Variants in CNGA1 observed in about 807,000 individuals in gnomAD.
CNGA1 encodes cyclic nucleotide gated channel subunit alpha 1.
In CNGA1, 53 loss-of-function variants were observed where a neutral mutation model predicts 69.7. That is an observed-to-expected ratio of 0.76 (90% CI 0.61 to 0.96). The LOEUF is 0.96. Ranked by LOEUF, CNGA1 falls within the 40% of genes least tolerant of loss-of-function variation. The pLI is 0.00. For synonymous variants in CNGA1, 249 were observed against 283.5 expected (o/e 0.88, Z 1.22); for missense variants, 739 against 811.2 (o/e 0.91, Z 1.08).
At chr4:47,962,390 G>C (rs1740495983) in intron 3 of CNGA1, among the ~76,000 whole-genome samples, 1 of 149,492 alleles carries the variant, frequency 6.7e-6, no homozygotes, top group African/African-American at 2.5e-5. Context: ...TATGTTGGAA[G>C]TACCAGGTTG....
At chr4:47,998,314 G>A (rs1315142174) in intron 2 of CNGA1, among the ~76,000 whole-genome samples, 3 of 152,204 alleles carry the variant, frequency 2.0e-5, no homozygotes, top group African/African-American at 4.8e-5. Flanking sequence ...TCCAGTCTTT[G>A]TGGAATGCTA....
chr4:47,992,808 T>G (rs1742329349), intron 2 of CNGA1, among the ~76,000 whole-genome samples: 1 of 152,094 alleles, frequency 6.6e-6, no homozygotes, highest in Non-Finnish European at 1.5e-5. Flanking sequence ...CCCCATTCAG[T>G]ATTATGTTGG....
At chr4:47,955,191 T>C (rs1740005562) in intron 3 of CNGA1, among the ~76,000 whole-genome samples, 1 of 88,004 alleles carries the variant, frequency 1.1e-5, no homozygotes, top group East Asian at 2.8e-4. Flanking sequence ...TTTTTTTTTT[T>C]TTTTTTTTTG....
rs1256044975 is a variant in CNGA1 at position 47,937,642 on chromosome 4, G to T, written c.840C>A (p.Phe280Leu). The change falls in exon 11 of 11, where the codon TTC becomes TTA. Residue 280 changes from phenylalanine (F) to leucine (L), a missense_variant. By Grantham distance (22) the Phe-to-Leu change is conservative (BLOSUM62 0). Coordinates refer to ENST00000514170, the MANE Select transcript of CNGA1 (RefSeq NM_001379270.1). Reference sequence around the variant, plus strand: ...TTGTCCTTGTTTCTGTTCTCTGGAAGAACTCAAACATACGAGAGAACCGTA... The same window carrying T: ...TTGTCCTTGTTTCTGTTCTCTGGAATAACTCAAACATACGAGAGAACCGTA... ...RLLRFSRMFE[F>L]FQRTETRTNY... 2 of 1,614,014 alleles carry T rather than the reference G, an allele frequency of 1.2e-6. No homozygotes were observed. Among genetic ancestry groups the T allele is most frequent in the Non-Finnish European group, 1.7e-6 (2 of 1,180,014 alleles).
chr4:47,980,243 AG>A (rs536138765), intron 3 of CNGA1, among the ~76,000 whole-genome samples: 337 of 152,296 alleles, frequency 2.2e-3, no homozygotes, highest in African/African-American at 7.7e-3. Flanking sequence ...AACTGATTAA[AG>A]GATATATAAA....
At chr4:47,988,146 T>G (rs1742068721) in intron 2 of CNGA1, among the ~76,000 whole-genome samples, 1 of 152,090 alleles carries the variant, frequency 6.6e-6, no homozygotes, top group Non-Finnish European at 1.5e-5. Context: ...GATTGATTGT[T>G]TGTGGGGTGT....
rs1741359768 is a variant in CNGA1, at chr4:47,976,188, TAC to T, written c.-15+5203_-15+5204del. On this transcript the variant is annotated intron_variant, in intron 3 of 10. Transcript: ENST00000514170. ...ATATATATACACATACATATATATA[TAC>T]ATATATATGTATATATATATATACA... is the stretch of plus-strand genomic sequence containing the variant. Among the ~76,000 whole-genome samples, 3 of 44,042 alleles carry T rather than the reference TAC, an allele frequency of 6.8e-5. No homozygotes were observed. In the South Asian group the frequency reaches 2.0e-3, roughly 29 times the overall value. 28.9% of individuals were successfully genotyped at this position (44,042 alleles called of 152,430 possible).
At chr4:47,998,142 G>A (rs370140157) in intron 2 of CNGA1, among the ~76,000 whole-genome samples, 53 of 152,290 alleles carry the variant, frequency 3.5e-4, no homozygotes, top group African/African-American at 1.2e-3. Flanking sequence ...TTTTTAATCT[G>A]TGACATGAGA....
intron 3 of CNGA1, among the ~76,000 whole-genome samples, chr4:47,980,148 A>T (rs1407139408): frequency 3.3e-5 from 5 of 152,166 alleles, no homozygotes; most frequent in Non-Finnish European, 2.9e-5. Context: ...ACCCTCTTTT[A>T]TTTGCTGAGT....
intron 3 of CNGA1, among the ~76,000 whole-genome samples, chr4:47,961,897 A>G (rs542758505): frequency 3.2e-4 from 49 of 152,326 alleles, no homozygotes; most frequent in Non-Finnish European, 6.2e-4. Flanking sequence ...TGTTTGGAAC[A>G]ACTTGACTAT....
intron 3 of CNGA1, among the ~76,000 whole-genome samples, chr4:47,968,284 T>C (rs1740832898): frequency 6.6e-6 from 1 of 152,238 alleles, no homozygotes; most frequent in African/African-American, 2.4e-5. Flanking sequence ...AAGAAAAATA[T>C]GATTGTTGAA....
intron 2 of CNGA1, 146 bp from the exon 3 acceptor site, chr4:47,981,646 C>A (rs1050819318): frequency 6.6e-6 from 1 of 152,070 alleles, no homozygotes; most frequent in African/African-American, 2.4e-5. Context: ...ATTGGATTTG[C>A]GGATTTACAC....
chr4:47,981,978 T>C (rs1202686340), intron 2 of CNGA1, among the ~76,000 whole-genome samples: 1 of 152,192 alleles, frequency 6.6e-6, no homozygotes, highest in South Asian at 2.1e-4. Flanking sequence ...GTCTATTTTA[T>C]GGAGGAATTG....
At chr4:47,947,331 C>A (rs958490879) in intron 6 of CNGA1, among the ~76,000 whole-genome samples, 1 of 152,044 alleles carries the variant, frequency 6.6e-6, no homozygotes, top group African/African-American at 2.4e-5. Context: ...GTTAATTTCC[C>A]CAATGGCACA....
chr4:47,952,497 T>G, intron 4 of CNGA1, 86 bp downstream of exon 4: 1 of 1,457,730 alleles, frequency 6.9e-7, no homozygotes, highest in Non-Finnish European at 9.5e-7. Context: ...AGGTTACAAA[T>G]TATAAAGCTA....
At chr4:47,960,573 T>C (rs949265777) in intron 3 of CNGA1, among the ~76,000 whole-genome samples, 7 of 152,198 alleles carry the variant, frequency 4.6e-5, no homozygotes, top group Admixed American at 4.6e-4. Flanking sequence ...CTTTTGCTTA[T>C]CAAAACACAT....
At chr4:47,958,594 C>A (rs1370311195) in intron 3 of CNGA1, among the ~76,000 whole-genome samples, 1 of 151,290 alleles carries the variant, frequency 6.6e-6, no homozygotes, top group African/African-American at 2.4e-5. Flanking sequence ...TGCGCACCAA[C>A]CTGGGCAACA....
intron 3 of CNGA1, among the ~76,000 whole-genome samples, chr4:47,953,379 G>A (rs563471731): frequency 9.9e-5 from 15 of 152,184 alleles, no homozygotes; most frequent in African/African-American, 2.6e-4. Flanking sequence ...TAGGGACCTC[G>A]CATACCCATC....
intron 3 of CNGA1, among the ~76,000 whole-genome samples, chr4:47,977,624 A>G (rs1398246449): frequency 6.6e-6 from 1 of 152,142 alleles, no homozygotes; most frequent in Non-Finnish European, 1.5e-5. Flanking sequence ...AGACTTGAGG[A>G]CAGGTCACAG....
Sources: gnomAD v4.1 joint callset for allele counts (sites outside exome capture counted in the v4.1 genomes callset) on GRCh38, gnomAD v4.1.1 for gene constraint, MANE v1.5 for transcripts, NCBI Gene and HGNC (gene_info 2026-07-23, HGNC 2026-07-21) for gene names.